The following GRID1 variants were observed in gnomAD, a reference collection of about 807,000 sequenced individuals.
GRID1 encodes glutamate receptor ionotropic, delta-1.
In GRID1, 28 loss-of-function variants were observed where a neutral mutation model predicts 98.0. The observed-to-expected ratio is 0.29, with a 90% CI of 0.21 to 0.39. The LOEUF (loss-of-function observed/expected upper bound fraction) is 0.39, where lower values mean the gene tolerates loss of function less well. Among genes scored for constraint, GRID1 ranks in the 10% least tolerant of loss-of-function variants. The pLI, the probability that GRID1 is intolerant of heterozygous loss-of-function variation, is 1.00. For synonymous variants in GRID1, 553 were observed against 538.5 expected, an observed-to-expected ratio of 1.03 and a Z score of -0.37; for missense variants, 1,111 against 1,340.5, an observed-to-expected ratio of 0.83 and a Z score of 2.67.
rs919677974 is a variant in GRID1, at chr10:85,954,211, C to A, written c.727-37972G>T. Among the ~76,000 whole-genome samples, 3 of 152,112 alleles carry A rather than the reference C, an allele frequency of 2.0e-5. No homozygotes were observed. The South Asian group carries it at 6.2e-4, about 32-fold the overall frequency. On this transcript the variant is annotated intron_variant, in intron 4 of 15. Transcript: ENST00000327946. ...TGAAATGCCATTAATGAAGATAGTACCTGGATAGCACTCAGGACAGGAGGA... is the reference window on the plus strand; with the variant it reads ...TGAAATGCCATTAATGAAGATAGTAACTGGATAGCACTCAGGACAGGAGGA...
chr10:85,699,845 T>G (rs1385215975), intron 12 of GRID1, among the ~76,000 whole-genome samples: 4 of 152,320 alleles, frequency 2.6e-5, no homozygotes, highest in Admixed American at 1.3e-4. Context: ...ATTTATCTGT[T>G]CAAAGTATTC....
At position 86,330,104 on chromosome 10, in the gene GRID1, C is replaced by T. The variant is rs533515291; in HGVS notation, c.235+33837G>A. On this transcript the variant is annotated intron_variant, in intron 2 of 15. Coordinates refer to ENST00000327946, the MANE Select transcript of GRID1 (RefSeq NM_017551.3). ...CAGGCATCAGGGCCTGTATCATGGA[C>T]GAGACCGTGACTCCCCCAGGGCAGG... Among the ~76,000 whole-genome samples, 24 of 152,248 alleles carry T rather than the reference C, an allele frequency of 1.6e-4. 1 individual carries two copies. Among genetic ancestry groups the T allele is most frequent in the African/African-American group, 5.3e-4 (22 of 41,552 alleles).
intron 4 of GRID1, among the ~76,000 whole-genome samples, chr10:86,050,638 T>C (rs1010508696): frequency 6.6e-6 from 1 of 152,130 alleles, no homozygotes; most frequent in Admixed American, 6.5e-5. Flanking sequence ...TGACCTTGAC[T>C]GCATAAATCT....
intron 4 of GRID1, among the ~76,000 whole-genome samples, chr10:86,093,023 TC>T (rs1844170465): frequency 6.6e-6 from 1 of 152,140 alleles, no homozygotes; most frequent in Non-Finnish European, 1.5e-5. Context: ...TCAAATTATA[TC>T]AAGCACTCTC....
chr10:86,251,431 T>C lies in GRID1; in HGVS notation c.236-44783A>G, dbSNP rs930835152. Among the ~76,000 whole-genome samples, 5 of 152,144 alleles carry C rather than the reference T, an allele frequency of 3.3e-5. 1 individual carries two copies. Among genetic ancestry groups the C allele is most frequent in the African/African-American group, 4.8e-5 (2 of 41,430 alleles). On this transcript the variant is annotated intron_variant, in intron 2 of 15. Transcript: ENST00000327946. The stretch of plus-strand genomic sequence containing the variant: ...TATTTATGCCAAATTACTGACAGCA[T>C]TGGGGCCATGGCTGGTCCTCATACC...
At chr10:86,312,169 C>T (rs77848897) in intron 2 of GRID1, among the ~76,000 whole-genome samples, 102 of 152,332 alleles carry the variant, frequency 6.7e-4, no homozygotes, top group African/African-American at 2.5e-3. Flanking sequence ...GCAAACCTAT[C>T]TCCAAATGTT....
intron 12 of GRID1, among the ~76,000 whole-genome samples, chr10:85,704,252 C>T (rs763768326): frequency 5.3e-5 from 8 of 151,870 alleles, no homozygotes; most frequent in Non-Finnish European, 1.2e-4. Context: ...CACACAGGCT[C>T]AAAATAAAAG....
In GRID1 at chr10:86,184,627, A is replaced by G. The variant is rs181283392; in HGVS notation, c.520+21737T>C. Among the ~76,000 whole-genome samples, 283 of 152,142 alleles carry G rather than the reference A, an allele frequency of 1.9e-3. 3 individuals are homozygous for G. Among genetic ancestry groups the G allele is most frequent in the African/African-American group, 6.4e-3 (264 of 41,544 alleles). ...ATTGTCTCTCCTCTTCCAGTGATCT[A>G]TCTCTCTATGTTCACACAAAAACAC... is the stretch of plus-strand genomic sequence containing the variant. On this transcript the variant is annotated intron_variant, in intron 3 of 15. Transcript: ENST00000327946.
chr10:85,883,188 G>A (rs12767825), intron 5 of GRID1, among the ~76,000 whole-genome samples: 39,794 of 151,682 alleles, frequency 0.26, 5,369 homozygotes, highest in African/African-American at 0.33. Flanking sequence ...TTCTTTCTGC[G>A]TATGTATCCA....
intron 2 of GRID1, among the ~76,000 whole-genome samples, chr10:86,266,196 T>C (rs1243819056): frequency 6.6e-6 from 1 of 151,932 alleles, no homozygotes; most frequent in Non-Finnish European, 1.5e-5. Context: ...CCCCTCCTGA[T>C]AACCCATCAT....
chr10:86,336,197 G>A (rs750726455), intron 2 of GRID1, among the ~76,000 whole-genome samples: 11 of 152,206 alleles, frequency 7.2e-5, no homozygotes, highest in Admixed American at 1.3e-4. Flanking sequence ...TTGTGTCTAA[G>A]AAGGAGATTG....
At chr10:86,358,208 C>T (rs1347859675) in intron 2 of GRID1, among the ~76,000 whole-genome samples, 32 of 152,150 alleles carry the variant, frequency 2.1e-4, no homozygotes, top group Admixed American at 2.1e-3. Context: ...CCATCCATCC[C>T]AAGTGACTAT....
intron 4 of GRID1, among the ~76,000 whole-genome samples, chr10:85,947,641 C>T (rs779865427): frequency 1.3e-5 from 2 of 152,304 alleles, no homozygotes; most frequent in South Asian, 4.1e-4. Context: ...GCACCTGATG[C>T]TTCAGTCAAC....
chr10:85,940,004 T>G (rs747153556), intron 4 of GRID1, among the ~76,000 whole-genome samples: 1 of 147,108 alleles, frequency 6.8e-6, no homozygotes, highest in Non-Finnish European at 1.5e-5. Flanking sequence ...GAGGCGGAGG[T>G]TGCAGTGAGC....
chr10:85,970,472 C>G (rs955633729), intron 4 of GRID1, among the ~76,000 whole-genome samples: 1 of 151,930 alleles, frequency 6.6e-6, no homozygotes, highest in Non-Finnish European at 1.5e-5. Context: ...TATACATGAC[C>G]GTCAAGTGAG....
rs141231981 is a variant in GRID1, at chr10:86,019,963, G to A, written c.727-103724C>T. 2.6e-5 allele frequency among the ~76,000 whole-genome samples: 4 copies of A among 152,324 alleles called. No homozygotes were observed. In the East Asian group the frequency reaches 5.8e-4, roughly 22 times the overall value. ...GCCATGCTAGGCACAATGAAAGCTT[G>A]GAATGCCCAATCTGAAATAAATTAG... On this transcript the variant is annotated intron_variant, in intron 4 of 15. Coordinates refer to ENST00000327946, the MANE Select transcript of GRID1 (RefSeq NM_017551.3).
chr10:86,318,324 C>T (rs1564737449), intron 2 of GRID1, among the ~76,000 whole-genome samples: 1 of 152,254 alleles, frequency 6.6e-6, no homozygotes, highest in African/African-American at 2.4e-5. Flanking sequence ...TAACTCAGAC[C>T]TAGTCATGGC....
intron 3 of GRID1, among the ~76,000 whole-genome samples, chr10:86,145,725 C>A (rs149666098): frequency 2.6e-5 from 4 of 152,170 alleles, no homozygotes; most frequent in Non-Finnish European, 5.9e-5. Flanking sequence ...ATATTAATAA[C>A]GTTAAATCAT....
chr10:86,153,231 C>A (rs1403937634), intron 3 of GRID1, among the ~76,000 whole-genome samples: 1 of 152,174 alleles, frequency 6.6e-6, no homozygotes, highest in Non-Finnish European at 1.5e-5. Context: ...CATTCACTCA[C>A]ACACACACGC....
Sources: gnomAD v4.1 joint callset for allele counts (sites outside exome capture counted in the v4.1 genomes callset) on GRCh38, gnomAD v4.1.1 for gene constraint, MANE v1.5 for transcripts, NCBI Gene and HGNC (gene_info 2026-07-23, HGNC 2026-07-21) for gene names.